Variants in FAM135B observed in about 807,000 individuals in gnomAD.
FAM135B encodes the protein protein FAM135B.
In FAM135B, 43 loss-of-function variants were observed where a neutral mutation model predicts 127.7. The observed-to-expected ratio is 0.34, with a 90% CI of 0.26 to 0.43. The LOEUF (loss-of-function observed/expected upper bound fraction) is 0.43, where lower values mean the gene tolerates loss of function less well. Among genes scored for constraint, FAM135B ranks in the 20% least tolerant of loss-of-function variants. The pLI is 1.00. For synonymous variants in FAM135B, 670 were observed against 665.1 expected (o/e 1.01, Z -0.11); for missense variants, 1,558 against 1,725.6 (o/e 0.90, Z 1.72).
intron 9 of FAM135B, among the ~76,000 whole-genome samples, chr8:138,180,401 G>A (rs964300763): frequency 2.6e-5 from 4 of 152,150 alleles, no homozygotes; most frequent in African/African-American, 4.8e-5. Flanking sequence ...AATAGACCAG[G>A]GACACACAGC....
At chr8:138,179,054 T>C (rs939700557) in intron 9 of FAM135B, among the ~76,000 whole-genome samples, 1 of 152,192 alleles carries the variant, frequency 6.6e-6, no homozygotes, top group African/African-American at 2.4e-5. Flanking sequence ...TCCATAAACA[T>C]CTTGCACCTT....
intron 1 of FAM135B, among the ~76,000 whole-genome samples, chr8:138,469,220 GAA>G (rs1362450429): frequency 1.3e-5 from 2 of 152,030 alleles, no homozygotes; most frequent in African/African-American, 2.4e-5. Context: ...AGGAAAGAAA[GAA>G]AGAGAGAGAG....
At chr8:138,251,113 T>G in intron 5 of FAM135B, 99 bp from the exon 6 acceptor site, 2 of 1,340,268 alleles carry the variant, frequency 1.5e-6, no homozygotes, top group South Asian at 2.6e-5. Flanking sequence ...CCAAGCACCA[T>G]GCATACATCA....
At chr8:138,392,752 C>T (rs1832649152) in intron 1 of FAM135B, among the ~76,000 whole-genome samples, 1 of 152,100 alleles carries the variant, frequency 6.6e-6, no homozygotes. Context: ...TACATTAGTC[C>T]AGCAGGGTCC....
intron 7 of FAM135B, among the ~76,000 whole-genome samples, chr8:138,226,911 G>A (rs567009929): frequency 1.3e-5 from 2 of 151,136 alleles, no homozygotes; most frequent in East Asian, 2.0e-4. Flanking sequence ...TGGCCAGGCT[G>A]GTCTCAAACT....
chr8:138,251,785 C>T (rs957606404), intron 5 of FAM135B, among the ~76,000 whole-genome samples: 3 of 152,154 alleles, frequency 2.0e-5, no homozygotes, highest in African/African-American at 7.2e-5. Flanking sequence ...GGACCCAGTG[C>T]TAATCTCAAA....
chr8:138,276,475 G>A (rs1171846364), intron 3 of FAM135B, among the ~76,000 whole-genome samples: 1 of 152,124 alleles, frequency 6.6e-6, no homozygotes, highest in African/African-American at 2.4e-5. Context: ...GCTGATTAGG[G>A]GAGAACAGGT....
In FAM135B at chr8:138,423,793, C is replaced by G. The variant is rs139661178; in HGVS notation, c.-19-55791G>C. On this transcript the variant is annotated intron_variant, in intron 1 of 19. Coordinates refer to ENST00000395297, the MANE Select transcript of FAM135B (RefSeq NM_015912.4). Reference sequence around the variant, plus strand: ...TTTCTCATCCTAATAAACCTGGGAGCACTATGGGAGACTGGGGCTTATTTC... The same window carrying G: ...TTTCTCATCCTAATAAACCTGGGAGGACTATGGGAGACTGGGGCTTATTTC... Among the ~76,000 whole-genome samples, 1,373 of 152,232 alleles carry G rather than the reference C, an allele frequency of 9.0e-3. 23 individuals are homozygous for G. The highest frequency in any genetic ancestry group is 0.077 in the East Asian group (398 of 5,172).
At chr8:138,408,351 G>A (rs1443826706) in intron 1 of FAM135B, among the ~76,000 whole-genome samples, 1 of 152,130 alleles carries the variant, frequency 6.6e-6, no homozygotes, top group Non-Finnish European at 1.5e-5. Flanking sequence ...TTCTATATCA[G>A]TACTTGTTCC....
At chr8:138,446,137 G>A (rs1428743128) in intron 1 of FAM135B, among the ~76,000 whole-genome samples, 1 of 152,076 alleles carries the variant, frequency 6.6e-6, no homozygotes, top group Non-Finnish European at 1.5e-5. Context: ...ACAAACCACT[G>A]CTCAATGAAA....
intron 2 of FAM135B, among the ~76,000 whole-genome samples, chr8:138,338,440 G>C (rs1224918104): frequency 6.6e-6 from 1 of 152,022 alleles, no homozygotes; most frequent in East Asian, 1.9e-4. Flanking sequence ...CCATCAAAAA[G>C]TGGGCAAAGG....
chr8:138,200,422 A>G (rs768813751), intron 7 of FAM135B, among the ~76,000 whole-genome samples: 1 of 152,218 alleles, frequency 6.6e-6, no homozygotes, highest in Non-Finnish European at 1.5e-5. Context: ...GGAGCACATC[A>G]GACCAGTTAG....
chr8:138,381,614 T>A (rs769899939), intron 1 of FAM135B, among the ~76,000 whole-genome samples: 2 of 152,186 alleles, frequency 1.3e-5, no homozygotes, highest in Admixed American at 1.3e-4. Context: ...GGAGAAGGAA[T>A]GAAAGACTAA....
At chr8:138,288,669 G>GC (rs1343905955) in intron 3 of FAM135B, among the ~76,000 whole-genome samples, 1 of 152,158 alleles carries the variant, frequency 6.6e-6, no homozygotes, top group Admixed American at 6.5e-5. Context: ...GGCTGGAGAA[G>GC]CCTTGTCAGC....
intron 7 of FAM135B, among the ~76,000 whole-genome samples, chr8:138,230,193 G>A (rs1586832470): frequency 6.6e-6 from 1 of 152,068 alleles, no homozygotes; most frequent in African/African-American, 2.4e-5. Context: ...CTGCCACCAC[G>A]GTCATTCTGA....
At chr8:138,353,310 C>T (rs16908897) in intron 2 of FAM135B, among the ~76,000 whole-genome samples, 4,885 of 152,218 alleles carry the variant, frequency 0.032, 152 homozygotes, top group East Asian at 0.17. Context: ...CTGGCTGCTG[C>T]TCTCATCATA....
intron 1 of FAM135B, among the ~76,000 whole-genome samples, chr8:138,478,598 G>C (rs1035582729): frequency 6.6e-6 from 1 of 152,054 alleles, no homozygotes; most frequent in East Asian, 1.9e-4. Flanking sequence ...AGTGTTGAAG[G>C]GTGCTTCTAA....
At chr8:138,252,100 C>T (rs903946664) in intron 5 of FAM135B, among the ~76,000 whole-genome samples, 1 of 152,112 alleles carries the variant, frequency 6.6e-6, no homozygotes, top group Non-Finnish European at 1.5e-5. Context: ...TCCCCTGGTA[C>T]CAGAAAGAAA....
At chr8:138,140,710 T>C (rs945874625) in intron 17 of FAM135B, among the ~76,000 whole-genome samples, 2 of 152,312 alleles carry the variant, frequency 1.3e-5, no homozygotes, top group Admixed American at 1.3e-4. Context: ...ATTGTGTACA[T>C]GCTTGTACAC....
Sources: gnomAD v4.1 joint callset for allele counts (sites outside exome capture counted in the v4.1 genomes callset) on GRCh38, gnomAD v4.1.1 for gene constraint, MANE v1.5 for transcripts, NCBI Gene and HGNC (gene_info 2026-07-23, HGNC 2026-07-21) for gene names.